FARP1: variants seen among roughly 807,000 people sequenced by gnomAD.
FARP1 encodes FERM, ARH/RhoGEF and pleckstrin domain protein 1.
A neutral mutation model predicts 128.8 loss-of-function variants in FARP1; 52 were observed. The observed-to-expected ratio is 0.40, with a 90% CI of 0.32 to 0.51. FARP1 has a LOEUF of 0.51. Ranked by LOEUF, FARP1 falls within the 20% of genes least tolerant of loss-of-function variation. The pLI, the probability that FARP1 is intolerant of heterozygous loss-of-function variation, is 0.45. For missense variants in FARP1, 1,333 were observed against 1,367.9 expected (o/e 0.97, Z 0.40); for synonymous variants, 580 against 551.8 (o/e 1.05, Z -0.72).
intron 16 of FARP1, among the ~76,000 whole-genome samples, chr13:98,417,455 G>GGGGAAAAAAAAAAA (rs1491453247): frequency 1.7e-5 from 1 of 58,454 alleles, no homozygotes; most frequent in African/African-American, 5.7e-5. Flanking sequence ...CCAGAGGTTT[G>GGGGAAAAAAAAAAA]AAAAAAAAAA....
chr13:98,386,063 TCACA>T, intron 8 of FARP1: 1 of 462,446 alleles, frequency 2.2e-6, no homozygotes. Context: ...CTTTGTAGCA[TCACA>T]GAAACATGTA....
chr13:98,324,057 A>G (rs2139800358), intron 2 of FARP1, among the ~76,000 whole-genome samples: 1 of 152,246 alleles, frequency 6.6e-6, no homozygotes, highest in East Asian at 1.9e-4. Context: ...AATATATTAA[A>G]TGCACTAGGA....
intron 2 of FARP1, among the ~76,000 whole-genome samples, chr13:98,300,221 C>T (rs1263775619): frequency 1.3e-5 from 2 of 152,164 alleles, no homozygotes; most frequent in South Asian, 2.1e-4. Flanking sequence ...GAAGACAGTC[C>T]GTCCATGCTG....
intron 1 of FARP1, among the ~76,000 whole-genome samples, chr13:98,205,533 C>G (rs180961181): frequency 6.6e-6 from 1 of 152,086 alleles, no homozygotes. Flanking sequence ...GCTGGGACTT[C>G]AGGTGCCCAC....
At chr13:98,153,109 GA>G (rs1876134846) in intron 1 of FARP1, among the ~76,000 whole-genome samples, 1 of 151,448 alleles carries the variant, frequency 6.6e-6, no homozygotes, top group Non-Finnish European at 1.5e-5. Flanking sequence ...ATCTTAACTG[GA>G]GTGTTTGGTT....
intron 3 of FARP1, among the ~76,000 whole-genome samples, chr13:98,361,518 G>A (rs1888871698): frequency 6.6e-6 from 1 of 152,154 alleles, no homozygotes; most frequent in African/African-American, 2.4e-5. Context: ...CTGGTTCTGT[G>A]GCCACCCTGG....
intron 2 of FARP1, among the ~76,000 whole-genome samples, chr13:98,256,083 C>CT (rs567260351): frequency 8.6e-4 from 131 of 152,290 alleles, no homozygotes; most frequent in African/African-American, 3.1e-3. Flanking sequence ...AGGAGGTGCT[C>CT]TTACAGAGCC....
chr13:98,412,163 G>A, intron 16 of FARP1, 129 bp downstream of exon 16: 1 of 837,898 alleles, frequency 1.2e-6, no homozygotes, highest in Non-Finnish European at 1.9e-6. Flanking sequence ...CAACAAGTCA[G>A]CCTTCAAATG....
chr13:98,339,110 G>A (rs560678535), intron 2 of FARP1, among the ~76,000 whole-genome samples: 22 of 152,246 alleles, frequency 1.4e-4, no homozygotes, highest in African/African-American at 3.9e-4. Flanking sequence ...CACAGTCCAC[G>A]TAGCACATTT....
chr13:98,295,385 G>T (rs1885642017), intron 2 of FARP1, among the ~76,000 whole-genome samples: 1 of 152,150 alleles, frequency 6.6e-6, no homozygotes, highest in Non-Finnish European at 1.5e-5. Context: ...GGATGAAGGG[G>T]CAGTGGACAC....
intron 2 of FARP1, among the ~76,000 whole-genome samples, chr13:98,240,460 A>T (rs1594310601): frequency 1.3e-5 from 2 of 152,286 alleles, no homozygotes; most frequent in South Asian, 4.1e-4. Flanking sequence ...TGAGAGAAGA[A>T]GGGAGGTGCA....
At chr13:98,384,467 A>G in intron 6 of FARP1, 1 of 478,958 alleles carries the variant, frequency 2.1e-6, no homozygotes, top group Admixed American at 3.3e-5. Context: ...TGCTGAGATT[A>G]CAGGCATGAG....
intron 1 of FARP1, among the ~76,000 whole-genome samples, chr13:98,184,717 T>G (rs1878747142): frequency 6.6e-6 from 1 of 152,252 alleles, no homozygotes; most frequent in African/African-American, 2.4e-5. Context: ...ATTTTCTCAG[T>G]GATCCTATGC....
intron 2 of FARP1, among the ~76,000 whole-genome samples, chr13:98,271,387 A>G (rs1884381860): frequency 6.6e-6 from 1 of 152,208 alleles, no homozygotes; most frequent in Middle Eastern, 3.2e-3. Context: ...ACTGACAAGT[A>G]TACATATATA....
rs139180761 is a variant in FARP1, at chr13:98,254,875, A to T, written c.171+41462A>T. Among the ~76,000 whole-genome samples the T allele has an allele frequency of 2.1e-3, 323 of 152,272 alleles. 2 individuals are homozygous for T. The highest frequency in any genetic ancestry group is 7.0e-3 in the African/African-American group (290 of 41,562). On this transcript the variant is annotated intron_variant, in intron 2 of 26. Coordinates refer to ENST00000319562, the MANE Select transcript of FARP1 (RefSeq NM_005766.4). The stretch of plus-strand genomic sequence containing the variant: ...AGGAACCATTTCATGGAGAAGAACC[A>T]CTAGCTTGGCTGTAGCTGGGGCAAA...
At chr13:98,233,420 C>T (rs1037330627) in intron 2 of FARP1, among the ~76,000 whole-genome samples, 4 of 151,956 alleles carry the variant, frequency 2.6e-5, no homozygotes, top group East Asian at 3.9e-4. Flanking sequence ...TGTGTGCTCT[C>T]GGTGAGCAGG....
Position 98,199,808 on chromosome 13 carries a change from C to T in FARP1, c.-23-13412C>T, listed in dbSNP as rs1024438283. Among the ~76,000 whole-genome samples, 9 of 152,300 alleles carry T rather than the reference C, an allele frequency of 5.9e-5. 1 individual carries two copies. Among genetic ancestry groups the T allele is most frequent in the East Asian group, 3.9e-4 (2 of 5,190 alleles). ...TGGAAGCTGGTGGCTATCTTCCTTA[C>T]ATTTAATTCACCCTGACCTTTTCCT... On this transcript the variant is annotated intron_variant, in intron 1 of 26. Transcript: ENST00000319562.
chr13:98,270,097 T>C (rs1387638575), intron 2 of FARP1, among the ~76,000 whole-genome samples: 8 of 152,150 alleles, frequency 5.3e-5, no homozygotes, highest in African/African-American at 1.9e-4. Flanking sequence ...AATAGGTAAT[T>C]TTATAGAAGG....
chr13:98,295,382 G>C (rs1323482312), intron 2 of FARP1, among the ~76,000 whole-genome samples: 3 of 152,164 alleles, frequency 2.0e-5, no homozygotes, highest in East Asian at 3.9e-4. Context: ...GGAGGATGAA[G>C]GGGCAGTGGA....
Sources: gnomAD v4.1 joint callset for allele counts (sites outside exome capture counted in the v4.1 genomes callset) on GRCh38, gnomAD v4.1.1 for gene constraint, MANE v1.5 for transcripts, NCBI Gene and HGNC (gene_info 2026-07-23, HGNC 2026-07-21) for gene names.